The following GRIA1 variants were observed in gnomAD, a reference collection of about 807,000 sequenced individuals.
The protein encoded by GRIA1 is glutamate ionotropic receptor AMPA type subunit 1, also known as glutamate receptor 1.
Under a neutral mutation model 99.2 loss-of-function variants are expected in GRIA1, and 31 were observed. The observed-to-expected ratio is 0.31, with a 90% confidence interval of 0.23 to 0.42. GRIA1 has a LOEUF of 0.42. GRIA1 is among the 10% of genes least tolerant of loss of function. The pLI, the probability that GRIA1 is intolerant of heterozygous loss-of-function variation, is 1.00. For missense variants in GRIA1, 782 were observed against 1,157.5 expected (o/e 0.68, Z 4.71); for synonymous variants, 438 against 432.4 (o/e 1.01, Z -0.16).
In GRIA1 at chr5:153,561,749, A is replaced by G. The variant is rs114704064; in HGVS notation, c.220+67684A>G. ...TTGTATTATTCTTACCATCATCACC[A>G]TCACCACCATTATTTGCCAAGAGAG... On this transcript the variant is annotated intron_variant, in intron 2 of 15. Coordinates refer to ENST00000285900, the MANE Select transcript of GRIA1 (RefSeq NM_000827.4). Among the ~76,000 whole-genome samples, 218 of 152,308 alleles carry G rather than the reference A, an allele frequency of 1.4e-3. 1 individual carries two copies. The highest frequency in any genetic ancestry group is 4.9e-3 in the African/African-American group (203 of 41,568).
chr5:153,650,601 G>C, intron 4 of GRIA1, 87 bp downstream of exon 4: 2 of 1,295,792 alleles, frequency 1.5e-6, no homozygotes, highest in South Asian at 2.9e-5. Context: ...GTTATAAAGA[G>C]GGTTATAAAG....
chr5:153,669,926 C>A (rs1388225773), intron 5 of GRIA1, among the ~76,000 whole-genome samples: 1 of 152,164 alleles, frequency 6.6e-6, no homozygotes, highest in Non-Finnish European at 1.5e-5. Context: ...TGGAATTCTT[C>A]TGATGATTAC....
chr5:153,725,832 G>A (rs1220748594), intron 11 of GRIA1, among the ~76,000 whole-genome samples: 4 of 135,444 alleles, frequency 3.0e-5, no homozygotes, highest in Non-Finnish European at 4.7e-5. Flanking sequence ...ACAGATCAAC[G>A]AGACAGAAAA....
chr5:153,670,280 C>T (rs1581437768), intron 5 of GRIA1, among the ~76,000 whole-genome samples: 1 of 152,260 alleles, frequency 6.6e-6, no homozygotes, highest in East Asian at 1.9e-4. Context: ...CACTCATCAC[C>T]AAGCTTCACT....
intron 5 of GRIA1, among the ~76,000 whole-genome samples, chr5:153,658,831 C>T (rs1239926388): frequency 1.3e-5 from 2 of 152,070 alleles, no homozygotes; most frequent in Non-Finnish European, 2.9e-5. Flanking sequence ...TTCAAAGTAG[C>T]CAGCAGCATT....
In GRIA1 at chr5:153,764,488, C is replaced by G; in HGVS notation, c.1878C>G (p.Ile626Met). Residue 626 changes from isoleucine to methionine, a missense_variant, in exon 12 of 16, where the codon ATC becomes ATG. Physicochemically the swap from Ile to Met is conservative, Grantham distance 10. This residue lies in a region of GRIA1 where 119 missense variants were observed against 326.6 expected (regional missense o/e 0.36). Coordinates refer to ENST00000285900, the MANE Select transcript of GRIA1 (RefSeq NM_000827.4). ...GGVWWFFTLI[I>M]ISSYTANLAA... is the part of the protein sequence containing the mutation. ...TCTGGTGGTTCTTCACCTTAATCAT[C>G]ATCTCCTCATATACAGCCAATCTGG... is the stretch of plus-strand genomic sequence containing the variant. 2 of 1,614,042 alleles carry G rather than the reference C, an allele frequency of 1.2e-6. No individual in the cohort carries two copies. The highest frequency in any genetic ancestry group is 1.7e-6 in the Non-Finnish European group (2 of 1,179,894).
chr5:153,755,114 GT>G (rs1762742335), intron 11 of GRIA1, among the ~76,000 whole-genome samples: 1 of 152,186 alleles, frequency 6.6e-6, no homozygotes, highest in Admixed American at 6.5e-5. Context: ...CAGCAAGTAT[GT>G]TGCTGGGTGA....
At chr5:153,706,152 T>G (rs1222491838) in intron 11 of GRIA1, 85 bp downstream of exon 11, 2 of 1,028,014 alleles carry the variant, frequency 1.9e-6, no homozygotes. Context: ...TACTGAAAAG[T>G]AAAGAGATGA....
intron 2 of GRIA1, among the ~76,000 whole-genome samples, chr5:153,644,008 C>T (rs1753959355): frequency 6.6e-6 from 1 of 152,136 alleles, no homozygotes; most frequent in South Asian, 2.1e-4. Flanking sequence ...AGATCTGGAT[C>T]ATAAGATTTA....
In GRIA1 at chr5:153,705,929, C is replaced by T; in HGVS notation, c.1685C>T (p.Pro562Leu). Residue 562 changes from proline (P) to leucine (L), a missense_variant, in exon 11 of 16, where the codon CCC (proline) becomes CTC (leucine). Coordinates refer to ENST00000285900, the MANE Select transcript of GRIA1 (RefSeq NM_000827.4). ...CTCTTCCTGGTCAGCCGCTTCAGTC[C>T]CTATGAATGGCACAGTGAAGAGTTT... ...VVLFLVSRFS[P>L]YEWHSEEFEE... The T allele has an allele frequency of 6.2e-7, 1 of 1,613,822 alleles. No individual in the cohort carries two copies. Among genetic ancestry groups the T allele is most frequent in the Non-Finnish European group, 8.5e-7 (1 of 1,179,950 alleles).
chr5:153,749,136 G>A (rs1762343250), intron 11 of GRIA1, among the ~76,000 whole-genome samples: 1 of 152,168 alleles, frequency 6.6e-6, no homozygotes, highest in Non-Finnish European at 1.5e-5. Flanking sequence ...AGACCCAGGA[G>A]AGAGTGGGGC....
intron 15 of GRIA1, among the ~76,000 whole-genome samples, chr5:153,807,786 C>T (rs1766540886): frequency 6.6e-6 from 1 of 152,244 alleles, no homozygotes; most frequent in Non-Finnish European, 1.5e-5. Context: ...GGCAAACAGA[C>T]TGGCTCCTGA....
chr5:153,788,229 C>T (rs927338236), intron 13 of GRIA1, among the ~76,000 whole-genome samples: 1 of 152,172 alleles, frequency 6.6e-6, no homozygotes, highest in East Asian at 1.9e-4. Context: ...TTCCTTCAAT[C>T]CCCCATAACC....
chr5:153,515,833 T>C (rs527267743), intron 2 of GRIA1, among the ~76,000 whole-genome samples: 1 of 152,286 alleles, frequency 6.6e-6, no homozygotes, highest in Admixed American at 6.5e-5. Context: ...TTAACCAGAT[T>C]GTGTCCAGCT....
rs61220170 is a variant in GRIA1, at chr5:153,506,316, G to GGTGTGTGTGTGT, written c.220+12284_220+12295dup. 7.7e-3 allele frequency among the ~76,000 whole-genome samples: 1,081 copies of GGTGTGTGTGTGT among 140,398 alleles called. 17 individuals carry two copies. The highest frequency in any genetic ancestry group is 0.024 in the African/African-American group (879 of 37,138). 92.1% of individuals were successfully genotyped at this position (140,398 alleles called of 152,430 possible). A position where few individuals can be genotyped will look rare whatever the true frequency, so the allele number is the denominator to read the frequency against. On this transcript the variant is annotated intron_variant, in intron 2 of 15. Coordinates refer to ENST00000285900, the MANE Select transcript of GRIA1 (RefSeq NM_000827.4). ...TGTTGCTTATTAGGATGGCAAGAAG[G>GGTGTGTGTGTGT]GTGTGTGTGTGTGTGTGTGTGTGTG...
intron 13 of GRIA1, among the ~76,000 whole-genome samples, chr5:153,784,522 T>C (rs1422146265): frequency 6.6e-6 from 1 of 152,186 alleles, no homozygotes; most frequent in South Asian, 2.1e-4. Flanking sequence ...AACTCTCTGT[T>C]CCTTGAGTAT....
chr5:153,645,810 A>G (rs1371576129), intron 2 of GRIA1, among the ~76,000 whole-genome samples: 1 of 152,180 alleles, frequency 6.6e-6, no homozygotes, highest in Non-Finnish European at 1.5e-5. Flanking sequence ...TCTTAAAAGA[A>G]AAAAATAATA....
chr5:153,573,564 A>G (rs918616089), intron 2 of GRIA1, among the ~76,000 whole-genome samples: 18 of 152,096 alleles, frequency 1.2e-4, no homozygotes, highest in Admixed American at 1.1e-3. Context: ...ATCTAGTTCC[A>G]ATTCTGCTAC....
intron 10 of GRIA1, among the ~76,000 whole-genome samples, chr5:153,703,893 T>G (rs1758703801): frequency 6.6e-6 from 1 of 152,218 alleles, no homozygotes. Flanking sequence ...GGTCAATCCC[T>G]CCAAGTCATT....
Sources: gnomAD v4.1 joint callset for allele counts (sites outside exome capture counted in the v4.1 genomes callset) on GRCh38, gnomAD v4.1.1 for gene constraint, gnomAD v4.1.1 regional missense constraint, MANE v1.5 for transcripts, NCBI Gene and HGNC (gene_info 2026-07-23, HGNC 2026-07-21) for gene names.